INPP4B: variants seen among roughly 807,000 people sequenced by gnomAD.
The protein encoded by INPP4B is inositol polyphosphate-4-phosphatase type II B.
INPP4B carries 55 observed loss-of-function variants against 122.5 expected under a neutral mutation model. The observed-to-expected ratio is 0.45, with a 90% CI of 0.36 to 0.56. INPP4B has a LOEUF of 0.56. Among genes scored for constraint, INPP4B ranks in the 20% least tolerant of loss-of-function variants. INPP4B has a pLI of 0.00. For synonymous variants in INPP4B, 403 were observed against 388.7 expected (o/e 1.04, Z -0.43); for missense variants, 1,000 against 1,097.7 (o/e 0.91, Z 1.26).
chr4:142,095,226 G>A (rs1048232710), intron 23 of INPP4B, among the ~76,000 whole-genome samples: 1 of 152,144 alleles, frequency 6.6e-6, no homozygotes, highest in Non-Finnish European at 1.5e-5. Flanking sequence ...TAAAATAAAG[G>A]CTGAAGAAAA....
chr4:142,676,538 T>C (rs560925873), intron 2 of INPP4B, among the ~76,000 whole-genome samples: 1 of 151,972 alleles, frequency 6.6e-6, no homozygotes, highest in Non-Finnish European at 1.5e-5. Context: ...GCCAAGACAA[T>C]CCTAAGTAAA....
chr4:142,558,718 C>A (rs1212123270), intron 2 of INPP4B, among the ~76,000 whole-genome samples: 1 of 142,988 alleles, frequency 7.0e-6, no homozygotes, highest in Non-Finnish European at 1.5e-5. Flanking sequence ...TTAAAGGAAG[C>A]CTCAATTCAG....
At chr4:142,596,573 T>C (rs920238499) in intron 2 of INPP4B, among the ~76,000 whole-genome samples, 5 of 152,218 alleles carry the variant, frequency 3.3e-5, no homozygotes, top group African/African-American at 1.2e-4. Context: ...CCAGTATGTT[T>C]TGGTCAATTT....
chr4:142,069,898 C>T (rs573549809), intron 25 of INPP4B, among the ~76,000 whole-genome samples: 74 of 152,180 alleles, frequency 4.9e-4, no homozygotes, highest in Non-Finnish European at 6.8e-4. Context: ...CAAAATCTAC[C>T]AGAGGTACAA....
rs569089721 is a variant in INPP4B at position 142,373,977 on chromosome 4, G to T, written c.372+28961C>A. ...CCACGGTATGACAGGCACTCTACCAGAAGCTTAAGGAGTCAGTAATTAGAC... is the reference window on the plus strand; with the variant it reads ...CCACGGTATGACAGGCACTCTACCATAAGCTTAAGGAGTCAGTAATTAGAC... On this transcript the variant is annotated intron_variant, in intron 7 of 25. Coordinates refer to ENST00000262992, the MANE Select transcript of INPP4B (RefSeq NM_001101669.3). Among the ~76,000 whole-genome samples the T allele has an allele frequency of 2.6e-5, 4 of 151,950 alleles. No individual in the cohort carries two copies. In the East Asian group the frequency reaches 7.7e-4, roughly 29 times the overall value.
chr4:142,730,286 C>A lies in INPP4B; in HGVS notation c.-253-4385G>T, dbSNP rs182172095. On this transcript the variant is annotated intron_variant, in intron 1 of 25. Transcript: ENST00000262992. ...AAGGGGTCAAAGTTTTCCAATTTCACATCATATGATATTAGTTTTTCACAA... is the reference window on the plus strand; with the variant it reads ...AAGGGGTCAAAGTTTTCCAATTTCAAATCATATGATATTAGTTTTTCACAA... Among the ~76,000 whole-genome samples, 188 of 152,260 alleles carry A rather than the reference C, an allele frequency of 1.2e-3. 2 individuals are homozygous for A. Among genetic ancestry groups the A allele is most frequent in the African/African-American group, 4.5e-3 (185 of 41,570 alleles).
rs571136462 is a variant in INPP4B, at chr4:142,375,973, C to A, written c.372+26965G>T. 3.9e-5 allele frequency among the ~76,000 whole-genome samples: 6 copies of A among 152,082 alleles called. No individual in the cohort carries two copies. In the South Asian group the frequency reaches 1.0e-3, roughly 26 times the overall value. On this transcript the variant is annotated intron_variant, in intron 7 of 25. Transcript: ENST00000262992. The stretch of plus-strand genomic sequence containing the variant: ...AAAATCTTGTCACTGTATCTTCATT[C>A]CATTCACTTATTTCCAAATTATTGC...
intron 2 of INPP4B, among the ~76,000 whole-genome samples, chr4:142,483,353 A>T (rs1279900252): frequency 6.6e-6 from 1 of 151,980 alleles, no homozygotes; most frequent in African/African-American, 2.4e-5. Flanking sequence ...ATTCTCAAAA[A>T]AGTAATAGTG....
intron 10 of INPP4B, among the ~76,000 whole-genome samples, chr4:142,268,348 G>GAAAA (rs1383781390): frequency 3.7e-5 from 1 of 26,770 alleles, no homozygotes; most frequent in Admixed American, 4.8e-4. Flanking sequence ...AAAAAAAAAT[G>GAAAA]AGGGGTAAGT....
intron 12 of INPP4B, among the ~76,000 whole-genome samples, chr4:142,222,325 T>C (rs1029421282): frequency 6.6e-6 from 1 of 152,218 alleles, no homozygotes; most frequent in Non-Finnish European, 1.5e-5. Context: ...CCAGAATGCT[T>C]GAGTCATCCT....
At chr4:142,684,663 A>G (rs1002335506) in intron 2 of INPP4B, among the ~76,000 whole-genome samples, 12 of 152,030 alleles carry the variant, frequency 7.9e-5, no homozygotes, top group Admixed American at 3.3e-4. Flanking sequence ...TGTACATGCC[A>G]TTAATATTTA....
chr4:142,598,827 C>T (rs1739266297), intron 2 of INPP4B, among the ~76,000 whole-genome samples: 3 of 152,092 alleles, frequency 2.0e-5, no homozygotes, highest in Admixed American at 2.0e-4. Context: ...CCCTTCTGCC[C>T]CTCCACACAG....
chr4:142,732,363 TTTA>T (rs1240202741), intron 1 of INPP4B, among the ~76,000 whole-genome samples: 1 of 151,994 alleles, frequency 6.6e-6, no homozygotes, highest in Admixed American at 6.5e-5. Flanking sequence ...AAATTCCAAT[TTTA>T]TTTTCACTAG....
chr4:142,144,659 A>C (rs528375419), intron 18 of INPP4B, among the ~76,000 whole-genome samples: 1 of 152,130 alleles, frequency 6.6e-6, no homozygotes, highest in African/African-American at 2.4e-5. Context: ...AAGTGTGAAC[A>C]TAAAGAACAT....
At chr4:142,043,113 GTCTC>G (rs1450305792) in intron 25 of INPP4B, among the ~76,000 whole-genome samples, 1 of 152,090 alleles carries the variant, frequency 6.6e-6, no homozygotes, top group South Asian at 2.1e-4. Flanking sequence ...AAAGGATAGG[GTCTC>G]TCTCTTTCCT....
intron 5 of INPP4B, among the ~76,000 whole-genome samples, chr4:142,405,634 C>T (rs1041624801): frequency 6.6e-6 from 1 of 152,088 alleles, no homozygotes; most frequent in Non-Finnish European, 1.5e-5. Flanking sequence ...CTTTAATTAG[C>T]CATTAAGCCC....
intron 7 of INPP4B, among the ~76,000 whole-genome samples, chr4:142,367,659 C>G (rs1561943775): frequency 1.3e-5 from 2 of 152,076 alleles, no homozygotes; most frequent in African/African-American, 4.8e-5. Context: ...CAACATTATG[C>G]TCTATTGTCC....
intron 11 of INPP4B, among the ~76,000 whole-genome samples, chr4:142,246,346 A>G (rs976372825): frequency 2.0e-5 from 3 of 151,978 alleles, no homozygotes; most frequent in Non-Finnish European, 4.4e-5. Flanking sequence ...GTCAATGGTA[A>G]CTTGATGGGG....
In INPP4B at chr4:142,119,041, A is replaced by G. The variant is rs559499061; in HGVS notation, c.2135+3087T>C. Among the ~76,000 whole-genome samples, 11 of 152,354 alleles carry G rather than the reference A, an allele frequency of 7.2e-5. No individual in the cohort carries two copies. In the South Asian group the frequency reaches 2.3e-3, roughly 32 times the overall value. Reference sequence around the variant, plus strand: ...ATTTATGCAGCCAACAGACACATGAAAATATGCTCATCATCACTGGCCATC... The same window carrying G: ...ATTTATGCAGCCAACAGACACATGAGAATATGCTCATCATCACTGGCCATC... On this transcript the variant is annotated intron_variant, in intron 21 of 25. Transcript: ENST00000262992.
Sources: gnomAD v4.1 joint callset for allele counts (sites outside exome capture counted in the v4.1 genomes callset) on GRCh38, gnomAD v4.1.1 for gene constraint, MANE v1.5 for transcripts, NCBI Gene and HGNC (gene_info 2026-07-23, HGNC 2026-07-21) for gene names.